PHYKPL: variants seen among roughly 807,000 people sequenced by gnomAD.
PHYKPL encodes 5-phosphonooxy-L-lysine phospho-lyase.
Under a neutral mutation model 51.3 loss-of-function variants are expected in PHYKPL, and 42 were observed. The observed-to-expected ratio is 0.82, with a 90% CI of 0.64 to 1.06. PHYKPL has a LOEUF of 1.06. PHYKPL is among the 50% of genes least tolerant of loss of function. The pLI, the probability that PHYKPL is intolerant of heterozygous loss-of-function variation, is 0.00. For synonymous variants in PHYKPL, 264 were observed against 236.0 expected, an observed-to-expected ratio of 1.12 and a Z score of -1.09; for missense variants, 655 against 586.6, an observed-to-expected ratio of 1.12 and a Z score of -1.20.
At chr5:178,224,119 C>A (rs2961682) in intron 6 of PHYKPL, among the ~76,000 whole-genome samples, 14,421 of 152,268 alleles carry the variant, frequency 0.095, 760 homozygotes, top group Middle Eastern at 0.2. Context: ...CACATTCACA[C>A]GGTTCCTCAG....
At chr5:178,223,098 T>C (rs1280386863) in intron 6 of PHYKPL, among the ~76,000 whole-genome samples, 164 bp from the exon 7 acceptor site, 3 of 152,170 alleles carry the variant, frequency 2.0e-5, no homozygotes, top group Non-Finnish European at 4.4e-5. Context: ...CTCAGTTTTC[T>C]CTCAGGCCTC....
chr5:178,231,725 C>T (rs2127501306), intron 1 of PHYKPL: 1 of 1,535,020 alleles, frequency 6.5e-7, no homozygotes, highest in Non-Finnish European at 8.8e-7. Context: ...GGTAACAAGT[C>T]GCTGAAACTT....
At chr5:178,231,235 T>C (rs966771845) in intron 2 of PHYKPL, among the ~76,000 whole-genome samples, 170 bp downstream of exon 2, 6 of 152,200 alleles carry the variant, frequency 3.9e-5, no homozygotes, top group Non-Finnish European at 7.3e-5. Flanking sequence ...CAGCTCCAGA[T>C]TGCAGAATTC....
downstream of PHYKPL, among the ~76,000 whole-genome samples, chr5:178,208,139 A>G (rs1757176218): frequency 6.6e-6 from 1 of 152,092 alleles, no homozygotes; most frequent in Non-Finnish European, 1.5e-5. Context: ...TGGTCAGGGA[A>G]AGGGTAGTTC....
chr5:178,212,852 CAGA>C lies in PHYKPL; in HGVS notation c.1303+118_1303+120del, dbSNP rs1758889521. On this transcript the variant is annotated intron_variant, in intron 11 of 12. Transcript: ENST00000308158. ...ACCCTCTCTTGCTCCCTGCCCTGTC[CAGA>C]GGACATGTGCCTCTGCTCTTGGACT... 7.2e-6 allele frequency: 10 copies of C among 1,390,688 alleles called. No homozygotes were observed. The East Asian group carries it at 2.4e-4, about 33-fold the overall frequency. The allele number at this position is 1,390,688 out of a possible 1,614,324, so 86.1% of individuals were successfully genotyped here.
At chr5:178,220,234 C>A (rs74357095) in intron 8 of PHYKPL, among the ~76,000 whole-genome samples, 34,409 of 146,392 alleles carry the variant, frequency 0.24, 4,780 homozygotes, top group East Asian at 0.44. Flanking sequence ...TGCAGTGGCT[C>A]ATGCCTGTAA....
chr5:178,217,161 T>C (rs938444422), intron 8 of PHYKPL, among the ~76,000 whole-genome samples: 6 of 151,114 alleles, frequency 4.0e-5, no homozygotes, highest in African/African-American at 1.5e-4. Flanking sequence ...TAAAAATCAA[T>C]CAGAAAATTT....
At chr5:178,212,084 C>T (rs2113690818) in intron 11 of PHYKPL, 114 bp from the exon 12 acceptor site, 2 of 1,103,190 alleles carry the variant, frequency 1.8e-6, no homozygotes, top group Non-Finnish European at 1.4e-6. Context: ...CTCTGGCTAT[C>T]CACACCCATG....
At chr5:178,227,345 A>T (rs1447612183) in intron 3 of PHYKPL, among the ~76,000 whole-genome samples, 1 of 152,242 alleles carries the variant, frequency 6.6e-6, no homozygotes, top group Non-Finnish European at 1.5e-5. Context: ...TTGGACTTCC[A>T]GCCTCCAGGA....
intron 12 of PHYKPL, chr5:178,211,639 G>A (rs747875429): frequency 2.9e-5 from 13 of 453,718 alleles, no homozygotes; most frequent in Non-Finnish European, 4.4e-5. Context: ...GGTTACAAGA[G>A]GCAAGGGTGG....
At chr5:178,217,843 G>A (rs1422395752) in intron 8 of PHYKPL, among the ~76,000 whole-genome samples, 1 of 148,562 alleles carries the variant, frequency 6.7e-6, no homozygotes, top group Non-Finnish European at 1.5e-5. Context: ...GGGCGACAGA[G>A]CGAGACTCCG....
intron 12 of PHYKPL, chr5:178,210,754 C>T: frequency 1.4e-6 from 1 of 729,134 alleles, no homozygotes; most frequent in Non-Finnish European, 2.4e-6. Context: ...TTAAAATTTC[C>T]CCCATGGAAA....
intron 8 of PHYKPL, among the ~76,000 whole-genome samples, chr5:178,221,639 T>C (rs1761193234): frequency 6.6e-6 from 1 of 152,186 alleles, no homozygotes; most frequent in Non-Finnish European, 1.5e-5. Context: ...CTGGCTCTTT[T>C]TGAGGAACTT....
chr5:178,218,087 G>A (rs6877734), intron 8 of PHYKPL, among the ~76,000 whole-genome samples: 3 of 87,634 alleles, frequency 3.4e-5, no homozygotes, highest in African/African-American at 5.5e-5. Flanking sequence ...CGTGGTAGCG[G>A]GCGCCTGTAG....
intron 2 of PHYKPL, 78 bp downstream of exon 2, chr5:178,231,327 A>G: frequency 6.2e-7 from 1 of 1,607,008 alleles, no homozygotes; most frequent in Non-Finnish European, 8.5e-7. Context: ...ACCTCTCGGC[A>G]ATCTCAGGTC....
intron 3 of PHYKPL, 51 bp downstream of exon 3, chr5:178,229,889 T>G: frequency 6.3e-7 from 1 of 1,594,606 alleles, no homozygotes; most frequent in Non-Finnish European, 8.6e-7. Context: ...TGAGTGACTG[T>G]CTTTGTTACC....
intron 6 of PHYKPL, chr5:178,223,185 C>T (rs952031032): frequency 2.1e-6 from 1 of 487,108 alleles, no homozygotes; most frequent in Non-Finnish European, 3.8e-6. Flanking sequence ...CTGATTTTTC[C>T]ACCATAAGCC....
chr5:178,209,499 C>G, intron 12 of PHYKPL: 1 of 1,496,990 alleles, frequency 6.7e-7, no homozygotes, highest in Non-Finnish European at 9.3e-7. Context: ...TACATGGAGC[C>G]TTCCAAGCCT....
intron 12 of PHYKPL, 117 bp downstream of exon 12, chr5:178,211,773 G>GCAT (rs1249616903): frequency 2.0e-5 from 13 of 663,038 alleles, no homozygotes; most frequent in East Asian, 5.4e-5. Flanking sequence ...TTGGGAAGGA[G>GCAT]CATCAGTCAG....
Sources: allele counts gnomAD v4.1 joint callset (sites outside exome capture counted in the v4.1 genomes callset), GRCh38; gene constraint gnomAD v4.1.1; transcripts MANE v1.5; gene names NCBI Gene and HGNC (gene_info 2026-07-23, HGNC 2026-07-21).